The following DPP3 variants were observed in gnomAD, a reference collection of about 807,000 sequenced individuals.
DPP3 encodes dipeptidyl peptidase 3, also known as DPP III.
In DPP3, 64 loss-of-function variants were observed where a neutral mutation model predicts 89.8. The observed-to-expected ratio is 0.71, with a 90% CI of 0.58 to 0.88. The LOEUF is 0.88. Ranked by LOEUF, DPP3 falls within the 40% of genes least tolerant of loss-of-function variation. DPP3 has a pLI of 0.00. For missense variants in DPP3, 835 were observed against 972.5 expected (o/e 0.86, Z 1.88); for synonymous variants, 377 against 404.3 (o/e 0.93, Z 0.81).
chr11:66,505,174 T>C (rs1316269040), intron 17 of DPP3, among the ~76,000 whole-genome samples: 1 of 152,152 alleles, frequency 6.6e-6, no homozygotes, highest in African/African-American at 2.4e-5. Flanking sequence ...CAGGGGACAG[T>C]GGACTCGGTC....
At chr11:66,492,278 C>T (rs1045088256) in intron 9 of DPP3, among the ~76,000 whole-genome samples, 6 of 152,042 alleles carry the variant, frequency 3.9e-5, no homozygotes, top group African/African-American at 1.4e-4. Context: ...GGCAGGCTGC[C>T]GCGGCCCCCA....
intron 6 of DPP3, among the ~76,000 whole-genome samples, chr11:66,488,281 G>A (rs933688424): frequency 8.5e-5 from 13 of 152,232 alleles, no homozygotes; most frequent in African/African-American, 2.4e-4. Context: ...GGCCCTTCAG[G>A]CCGGGCATGG....
At chr11:66,480,751 C>T (rs573430001) in intron 1 of DPP3, 35 of 351,180 alleles carry the variant, frequency 1.0e-4, no homozygotes, top group African/African-American at 7.2e-4. Flanking sequence ...GAGAATGCCC[C>T]GGGTTGGGGA....
At chr11:66,492,621 A>G in intron 9 of DPP3, 95 bp from the exon 10 acceptor site, 1 of 1,381,938 alleles carries the variant, frequency 7.2e-7, no homozygotes, top group Non-Finnish European at 9.8e-7. Context: ...GACTGCATAC[A>G]GTAGGCATTC....
chr11:66,499,564 G>A (rs1855629192), intron 16 of DPP3, among the ~76,000 whole-genome samples: 6 of 151,618 alleles, frequency 4.0e-5, no homozygotes. Context: ...GAGGTCACGA[G>A]TTCAAGACCA....
chr11:66,487,726 A>T (rs1469421789), intron 5 of DPP3, among the ~76,000 whole-genome samples, 188 bp from the exon 6 acceptor site: 1 of 152,116 alleles, frequency 6.6e-6, no homozygotes, highest in African/African-American at 2.4e-5. Context: ...CAGTGTCCTG[A>T]GCAGAGCAGG....
chr11:66,494,786 A>G (rs2134736247), intron 12 of DPP3, among the ~76,000 whole-genome samples: 1 of 152,320 alleles, frequency 6.6e-6, no homozygotes, highest in South Asian at 2.1e-4. Flanking sequence ...CATGGCATGC[A>G]GTGGGAGGGT....
At chr11:66,498,122 C>G (rs1300783974) in intron 16 of DPP3, among the ~76,000 whole-genome samples, 1 of 145,826 alleles carries the variant, frequency 6.9e-6, no homozygotes, top group Non-Finnish European at 1.5e-5. Flanking sequence ...GAGACAGGGT[C>G]TCGCTCTGTC....
chr11:66,503,884 C>CAA (rs58851401), intron 16 of DPP3, among the ~76,000 whole-genome samples: 2 of 140,328 alleles, frequency 1.4e-5, no homozygotes, highest in African/African-American at 2.6e-5. Context: ...GACTCTGTCT[C>CAA]AAAAAAAAAA....
chr11:66,493,683 C>A, intron 12 of DPP3, 50 bp downstream of exon 12: 2 of 1,542,140 alleles, frequency 1.3e-6, no homozygotes, highest in South Asian at 1.2e-5. Flanking sequence ...GCTCCACTCC[C>A]CACAACCTGC....
chr11:66,493,405 C>A, intron 11 of DPP3, 136 bp from the exon 12 acceptor site: 2 of 923,960 alleles, frequency 2.2e-6, no homozygotes, highest in Non-Finnish European at 3.3e-6. Context: ...ATGAAATGGG[C>A]TGTGGGGTGG....
chr11:66,508,955 GT>G, intron 17 of DPP3, 123 bp from the exon 18 acceptor site: 24 of 1,265,764 alleles, frequency 1.9e-5, no homozygotes, highest in Non-Finnish European at 2.4e-5. Context: ...TAGAGCACAG[GT>G]TTTTTTGGCA....
intron 2 of DPP3, among the ~76,000 whole-genome samples, chr11:66,484,842 G>GCTGTCCTTTCTCT: frequency 6.6e-6 from 1 of 152,198 alleles, no homozygotes; most frequent in African/African-American, 2.4e-5. Context: ...TGGAGAAAGA[G>GCTGTCCTTTCTCT]GGAGGTGCTG....
At chr11:66,481,900 G>A (rs113587789) in intron 1 of DPP3, among the ~76,000 whole-genome samples, 7 of 152,194 alleles carry the variant, frequency 4.6e-5, no homozygotes, top group African/African-American at 1.4e-4. Flanking sequence ...CACACACCTC[G>A]GCCTCCCAAA....
chr11:66,485,336 A>G (rs998133598), intron 3 of DPP3, 74 bp downstream of exon 3: 1 of 1,433,026 alleles, frequency 7.0e-7, no homozygotes, highest in Admixed American at 1.9e-5. Flanking sequence ...CAGTAGAAGG[A>G]GCCCCAACTG....
At chr11:66,501,964 A>G (rs370518904) in intron 16 of DPP3, among the ~76,000 whole-genome samples, 206 of 152,164 alleles carry the variant, frequency 1.4e-3, no homozygotes, top group African/African-American at 4.6e-3. Flanking sequence ...TTGGGAGGCC[A>G]AGATGGGCAG....
chr11:66,485,544 G>A (rs1199897961), intron 3 of DPP3, among the ~76,000 whole-genome samples: 1 of 152,232 alleles, frequency 6.6e-6, no homozygotes. Context: ...TCTCAAAAAT[G>A]GAGCTTGTTG....
At chr11:66,485,952 C>A (rs1368636029) in intron 3 of DPP3, among the ~76,000 whole-genome samples, 1 of 110,076 alleles carries the variant, frequency 9.1e-6, no homozygotes, top group African/African-American at 3.7e-5. Context: ...CTTTTCTTTT[C>A]TTTTTTTGAG....
chr11:66,492,273 G>A (rs545250662), intron 9 of DPP3, among the ~76,000 whole-genome samples: 1 of 152,262 alleles, frequency 6.6e-6, no homozygotes, highest in Admixed American at 6.5e-5. Flanking sequence ...CTGGTGGCAG[G>A]CTGCCGCGGC....
Sources: gnomAD v4.1 joint callset for allele counts (sites outside exome capture counted in the v4.1 genomes callset) on GRCh38, gnomAD v4.1.1 for gene constraint, MANE v1.5 for transcripts, NCBI Gene and HGNC (gene_info 2026-07-23, HGNC 2026-07-21) for gene names.